Variants in CEP112 observed in about 807,000 individuals in gnomAD.
The protein encoded by CEP112 is centrosomal protein 112.
CEP112 carries 127 observed loss-of-function variants against 153.0 expected under a neutral mutation model. The ratio of observed to expected loss-of-function variants is 0.83; its 90% CI spans 0.72 to 0.96. The LOEUF (loss-of-function observed/expected upper bound fraction) is 0.96, where lower values mean the gene tolerates loss of function less well. Among genes scored for constraint, CEP112 ranks in the 40% least tolerant of loss-of-function variants. The pLI is 0.00. For missense variants in CEP112, 1,089 were observed against 1,101.2 expected (o/e 0.99, Z 0.16); for synonymous variants, 358 against 374.4 (o/e 0.96, Z 0.51).
Position 66,058,968 on chromosome 17 carries a change from T to C in CEP112, c.1074+3995A>G, listed in dbSNP as rs545200695. Among the ~76,000 whole-genome samples the C allele has an allele frequency of 9.9e-5, 15 of 152,052 alleles. No homozygotes were observed. In the East Asian group the frequency reaches 2.7e-3, roughly 27 times the overall value. ...TGGTACTAGCATAAAAACAGACACA[T>C]AGACCGATGAAACAGAAGAGAGAAC... On this transcript the variant is annotated intron_variant, in intron 11 of 26. Transcript: ENST00000535342.
intron 23 of CEP112, among the ~76,000 whole-genome samples, chr17:65,697,945 G>A (rs560442853): frequency 2.0e-5 from 3 of 152,164 alleles, no homozygotes; most frequent in South Asian, 2.1e-4. Flanking sequence ...CATTCACAAC[G>A]CAACTGTATA....
intron 21 of CEP112, among the ~76,000 whole-genome samples, chr17:65,798,313 A>G (rs901983702): frequency 1.3e-5 from 2 of 152,174 alleles, no homozygotes; most frequent in African/African-American, 4.8e-5. Flanking sequence ...TATGTATCTG[A>G]GTGAAATATT....
chr17:65,661,866 T>A (rs1045517603), intron 24 of CEP112: 1 of 152,200 alleles, frequency 6.6e-6, no homozygotes, highest in African/African-American at 2.4e-5. Context: ...TCATTTTCCA[T>A]CTTTCAAGAG....
rs113158363 is a variant in CEP112, at chr17:65,698,637, C to G, written c.2608-9419G>C. 4.5e-3 allele frequency among the ~76,000 whole-genome samples: 679 copies of G among 152,254 alleles called. 6 individuals are homozygous for G. Among genetic ancestry groups the G allele is most frequent in the African/African-American group, 0.015 (643 of 41,546 alleles). ...CGCAGCTCCTCTTAAAGGGGCCAGTCTATTTCTACTCAGGAAATTCAAAGC... is the reference window on the plus strand; with the variant it reads ...CGCAGCTCCTCTTAAAGGGGCCAGTGTATTTCTACTCAGGAAATTCAAAGC... On this transcript the variant is annotated intron_variant, in intron 23 of 26. Transcript: ENST00000535342.
intron 20 of CEP112, among the ~76,000 whole-genome samples, chr17:65,898,691 T>C (rs1044256010): frequency 6.6e-6 from 1 of 152,186 alleles, no homozygotes; most frequent in African/African-American, 2.4e-5. Flanking sequence ...TTTTCAGATA[T>C]GGCTGATGAC....
chr17:65,971,049 CAT>C (rs2062749416), intron 17 of CEP112, among the ~76,000 whole-genome samples: 2 of 152,204 alleles, frequency 1.3e-5, no homozygotes, highest in Non-Finnish European at 2.9e-5. Context: ...GCTTGTATTA[CAT>C]GTCTATTACA....
intron 17 of CEP112, among the ~76,000 whole-genome samples, chr17:65,978,740 G>A (rs1035238): frequency 6.6e-5 from 10 of 152,032 alleles, no homozygotes; most frequent in Non-Finnish European, 1.2e-4. Context: ...AATGGGTTTT[G>A]CAAACTCAAT....
chr17:65,990,895 G>A (rs1272987971), intron 17 of CEP112, among the ~76,000 whole-genome samples: 1 of 152,192 alleles, frequency 6.6e-6, no homozygotes. Flanking sequence ...GAGGAGGAGA[G>A]CAGCGACTGG....
intron 19 of CEP112, among the ~76,000 whole-genome samples, chr17:65,906,409 A>G (rs891168578): frequency 1.3e-5 from 2 of 152,166 alleles, no homozygotes; most frequent in South Asian, 4.1e-4. Flanking sequence ...CCAGAACTTA[A>G]AGTATAATAA....
intron 21 of CEP112, among the ~76,000 whole-genome samples, chr17:65,815,545 T>G (rs1598665656): frequency 6.6e-6 from 1 of 152,224 alleles, no homozygotes; most frequent in South Asian, 2.1e-4. Flanking sequence ...ACAAGAAAAC[T>G]GCTTAGGTTT....
chr17:65,970,353 A>C (rs189883644), intron 17 of CEP112, among the ~76,000 whole-genome samples: 2 of 151,712 alleles, frequency 1.3e-5, no homozygotes, highest in Admixed American at 6.6e-5. Flanking sequence ...CATGTGCACT[A>C]TGTGCCTATA....
intron 21 of CEP112, among the ~76,000 whole-genome samples, chr17:65,795,854 T>C (rs1394882184): frequency 6.6e-6 from 1 of 152,078 alleles, no homozygotes; most frequent in Non-Finnish European, 1.5e-5. Flanking sequence ...AAACTTACCA[T>C]TTTATTCCAC....
At chr17:65,668,106 G>A (rs912096150) in intron 24 of CEP112, among the ~76,000 whole-genome samples, 2 of 152,080 alleles carry the variant, frequency 1.3e-5, no homozygotes, top group Admixed American at 6.6e-5. Flanking sequence ...ATGTTGGCCA[G>A]GCTGGTCTCG....
intron 8 of CEP112, among the ~76,000 whole-genome samples, chr17:66,083,568 G>T (rs2067804838): frequency 6.6e-6 from 1 of 152,160 alleles, no homozygotes; most frequent in African/African-American, 2.4e-5. Flanking sequence ...GACTAATGAG[G>T]TCAGGCGCGG....
intron 24 of CEP112, among the ~76,000 whole-genome samples, chr17:65,657,816 T>G (rs2046136506): frequency 6.6e-6 from 1 of 152,170 alleles, no homozygotes; most frequent in Admixed American, 6.5e-5. Flanking sequence ...TCCCTGATAT[T>G]TACAATTTAT....
At chr17:66,018,307 T>C (rs530053533) in intron 16 of CEP112, among the ~76,000 whole-genome samples, 7 of 151,830 alleles carry the variant, frequency 4.6e-5, no homozygotes, top group Non-Finnish European at 7.4e-5. Context: ...ACTGAATATA[T>C]TTTTTTTGCT....
intron 17 of CEP112, among the ~76,000 whole-genome samples, chr17:65,970,369 TGCACACATCATGCATATATATTACATGC>T (rs2062649777): frequency 1.4e-5 from 1 of 71,724 alleles, no homozygotes; most frequent in Non-Finnish European, 3.4e-5. Context: ...CTATATTACA[TGCACACATCATGCATATATATTACATGC>T]ATGCACACAT....
intron 21 of CEP112, among the ~76,000 whole-genome samples, chr17:65,833,042 T>C (rs892614607): frequency 2.0e-5 from 3 of 152,102 alleles, no homozygotes; most frequent in Admixed American, 1.3e-4. Flanking sequence ...GAATGCAAGG[T>C]TGGTTCAACC....
intron 20 of CEP112, among the ~76,000 whole-genome samples, chr17:65,870,636 T>G (rs1313705695): frequency 6.6e-6 from 1 of 152,068 alleles, no homozygotes; most frequent in Non-Finnish European, 1.5e-5. Context: ...TCCTGAAAAA[T>G]GCAGAAAATC....
Sources: gnomAD v4.1 joint callset for allele counts (sites outside exome capture counted in the v4.1 genomes callset) on GRCh38, gnomAD v4.1.1 for gene constraint, MANE v1.5 for transcripts, NCBI Gene and HGNC (gene_info 2026-07-23, HGNC 2026-07-21) for gene names.